The following DYNC1I1 variants were observed in gnomAD, a reference collection of about 807,000 sequenced individuals.
The protein encoded by DYNC1I1 is dynein cytoplasmic 1 intermediate chain 1.
A neutral mutation model predicts 86.6 loss-of-function variants in DYNC1I1; 43 were observed. That is an observed-to-expected ratio of 0.50 (90% CI 0.39 to 0.64). The LOEUF (loss-of-function observed/expected upper bound fraction) is 0.64, where lower values mean the gene tolerates loss of function less well. Ranked by LOEUF, DYNC1I1 falls within the 30% of genes least tolerant of loss-of-function variation. DYNC1I1 has a pLI of 0.00. For synonymous variants in DYNC1I1, 262 were observed against 283.7 expected (o/e 0.92, Z 0.77); for missense variants, 604 against 788.8 (o/e 0.77, Z 2.81).
intron 5 of DYNC1I1, among the ~76,000 whole-genome samples, chr7:95,846,085 A>G (rs1459100368): frequency 6.6e-6 from 1 of 152,196 alleles, no homozygotes; most frequent in African/African-American, 2.4e-5. Flanking sequence ...ATGTTGGTAC[A>G]AATTCTATGG....
chr7:96,019,274 C>T (rs1478477445), intron 10 of DYNC1I1, among the ~76,000 whole-genome samples: 1 of 151,766 alleles, frequency 6.6e-6, no homozygotes, highest in Non-Finnish European at 1.5e-5. Flanking sequence ...GAATTTATTC[C>T]TTCTATCTAA....
intron 10 of DYNC1I1, among the ~76,000 whole-genome samples, chr7:96,016,636 T>A (rs1794408843): frequency 6.6e-6 from 1 of 152,162 alleles, no homozygotes; most frequent in East Asian, 1.9e-4. Context: ...AAATAATACC[T>A]GATAACTGAA....
intron 10 of DYNC1I1, among the ~76,000 whole-genome samples, chr7:95,999,619 G>T (rs1011677773): frequency 1.3e-5 from 2 of 152,124 alleles, no homozygotes; most frequent in African/African-American, 4.8e-5. Flanking sequence ...TCTGTATGAC[G>T]TTCCTGCTAA....
At chr7:95,988,128 G>C (rs1391442203) in intron 9 of DYNC1I1, among the ~76,000 whole-genome samples, 2 of 152,206 alleles carry the variant, frequency 1.3e-5, no homozygotes, top group Non-Finnish European at 2.9e-5. Flanking sequence ...TGTAATCCCA[G>C]CACTTTGGGA....
intron 6 of DYNC1I1, among the ~76,000 whole-genome samples, chr7:95,905,902 A>G (rs1791164195): frequency 6.6e-6 from 1 of 152,148 alleles, no homozygotes; most frequent in Non-Finnish European, 1.5e-5. Flanking sequence ...AATATTAATG[A>G]TATACTGTTC....
chr7:95,834,848 T>C (rs1371002808), intron 5 of DYNC1I1, among the ~76,000 whole-genome samples: 1 of 150,964 alleles, frequency 6.6e-6, no homozygotes, highest in African/African-American at 2.4e-5. Flanking sequence ...TGTGTCTATT[T>C]GATTCTTCTC....
intron 9 of DYNC1I1, among the ~76,000 whole-genome samples, chr7:95,992,817 G>T (rs1793764720): frequency 6.6e-6 from 1 of 152,096 alleles, no homozygotes; most frequent in Admixed American, 6.5e-5. Flanking sequence ...GTTTCACCAT[G>T]TTGGCAAGGC....
At chr7:95,783,287 A>G (rs774718969) in intron 1 of DYNC1I1, among the ~76,000 whole-genome samples, 14 of 152,218 alleles carry the variant, frequency 9.2e-5, no homozygotes, top group Non-Finnish European at 1.5e-4. Context: ...AATTTTACTG[A>G]TAATGAATAA....
chr7:96,003,679 A>C (rs560478192), intron 10 of DYNC1I1, among the ~76,000 whole-genome samples: 2 of 152,132 alleles, frequency 1.3e-5, no homozygotes, highest in Non-Finnish European at 2.9e-5. Flanking sequence ...CCCTCCTTTC[A>C]GGAAAGGAAC....
At chr7:95,917,970 AT>A (rs1791511772) in intron 6 of DYNC1I1, among the ~76,000 whole-genome samples, 1 of 152,234 alleles carries the variant, frequency 6.6e-6, no homozygotes, top group Non-Finnish European at 1.5e-5. Context: ...ACCAAGGGAA[AT>A]TTGTATAATC....
intron 16 of DYNC1I1, among the ~76,000 whole-genome samples, chr7:96,090,222 C>CTTT (rs1418998747): frequency 1.3e-5 from 2 of 151,948 alleles, no homozygotes; most frequent in African/African-American, 4.8e-5. Flanking sequence ...TGAATTAACT[C>CTTT]TTTCTTCGGA....
chr7:96,027,867 A>C lies in DYNC1I1; in HGVS notation c.970-308A>C, dbSNP rs184538238. ...TATGTGACAAATGGGAAATGTCCAT[A>C]AAGCAAGATTTACAGACCACAAAAC... On this transcript the variant is annotated intron_variant, in intron 10 of 16. Coordinates refer to ENST00000447467, the MANE Select transcript of DYNC1I1 (RefSeq NM_001135556.2). Among the ~76,000 whole-genome samples the C allele has an allele frequency of 2.6e-5, 4 of 152,320 alleles. No individual in the cohort carries two copies. The East Asian group carries it at 7.7e-4, about 29-fold the overall frequency.
chr7:95,806,787 C>G lies in DYNC1I1; in HGVS notation c.108+1950C>G, dbSNP rs186389651. 4.4e-4 allele frequency among the ~76,000 whole-genome samples: 67 copies of G among 152,248 alleles called. 1 individual carries two copies. The East Asian group carries it at 0.013, about 29-fold the overall frequency. ...AAATCTTTTCCCTTCACACCCATCT[C>G]CCCTCAAAGAGGTCTTTCCTTGATT... On this transcript the variant is annotated intron_variant, in intron 2 of 16. Coordinates refer to ENST00000447467, the MANE Select transcript of DYNC1I1 (RefSeq NM_001135556.2).
chr7:95,886,038 T>C lies in DYNC1I1; in HGVS notation c.490+16040T>C, dbSNP rs77064589. ...TAATAATAGCATAGCAGCTATCCTT[T>C]ATTGAGCTATTACTTGCCCAGTACA... On this transcript the variant is annotated intron_variant, in intron 6 of 16. Transcript: ENST00000447467. Among the ~76,000 whole-genome samples the C allele has an allele frequency of 6.8e-3, 1,031 of 152,280 alleles. 20 individuals are homozygous for C. Among genetic ancestry groups the C allele is most frequent in the African/African-American group, 0.023 (942 of 41,550 alleles).
intron 6 of DYNC1I1, among the ~76,000 whole-genome samples, chr7:95,895,183 G>A (rs74409085): frequency 0.068 from 10,314 of 152,182 alleles, 460 homozygotes; most frequent in African/African-American, 0.13. Flanking sequence ...CACTGAGCTG[G>A]TCATCGCTGG....
intron 6 of DYNC1I1, among the ~76,000 whole-genome samples, chr7:95,898,081 A>G (rs757852146): frequency 2.7e-4 from 41 of 152,224 alleles, no homozygotes; most frequent in Non-Finnish European, 5.0e-4. Context: ...GCCTTCAGCA[A>G]TAGTCAGGTG....
At chr7:96,110,158 T>TAGTTCTTTC (rs1474026384), downstream of DYNC1I1, 1 of 398,310 alleles carries the variant, frequency 2.5e-6, no homozygotes, top group Admixed American at 3.1e-5. Flanking sequence ...GGATATCTTT[T>TAGTTCTTTC]AGTTCTTTCA....
At chr7:96,040,068 T>A (rs889895394) in intron 14 of DYNC1I1, among the ~76,000 whole-genome samples, 3 of 151,948 alleles carry the variant, frequency 2.0e-5, no homozygotes, top group African/African-American at 4.8e-5. Context: ...GCCCCATTTC[T>A]ACTAAAAATA....
chr7:96,097,388 A>T, intron 16 of DYNC1I1, 95 bp from the exon 17 acceptor site: 2 of 1,342,006 alleles, frequency 1.5e-6, no homozygotes, highest in Non-Finnish European at 2.1e-6. Flanking sequence ...TCTGCTTTGG[A>T]GGGTGTGGGG....
Sources: gnomAD v4.1 joint callset for allele counts (sites outside exome capture counted in the v4.1 genomes callset) on GRCh38, gnomAD v4.1.1 for gene constraint, MANE v1.5 for transcripts, NCBI Gene and HGNC (gene_info 2026-07-23, HGNC 2026-07-21) for gene names.